The following MIDN variants were observed in gnomAD, a reference collection of about 807,000 sequenced individuals.
MIDN encodes the protein midnolin.
MIDN carries 26 observed loss-of-function variants against 46.1 expected under a neutral mutation model. The observed-to-expected ratio is 0.56, with a 90% CI of 0.41 to 0.78. The LOEUF (loss-of-function observed/expected upper bound fraction) is 0.78. Ranked by LOEUF, MIDN falls within the 30% of genes least tolerant of loss-of-function variation. The pLI is 0.00. For synonymous variants in MIDN, 432 were observed against 343.3 expected (o/e 1.26, Z -2.86); for missense variants, 850 against 771.8 (o/e 1.10, Z -1.20).
chr19:1,251,449 G>T (rs1249607913), intron 2 of MIDN, 113 bp from the exon 3 acceptor site: 2 of 899,096 alleles, frequency 2.2e-6, no homozygotes, highest in Non-Finnish European at 1.7e-6. Context: ...AAGGGGTGGG[G>T]GTGGGAACTT....
chr19:1,252,717 C>G (rs558881355), intron 4 of MIDN, among the ~76,000 whole-genome samples: 1 of 152,174 alleles, frequency 6.6e-6, no homozygotes, highest in African/African-American at 2.4e-5. Context: ...GCCGGCTTCC[C>G]GGGCCTCCCT....
intron 4 of MIDN, among the ~76,000 whole-genome samples, chr19:1,252,165 C>T (rs1305884952): frequency 2.0e-5 from 3 of 152,206 alleles, no homozygotes; most frequent in African/African-American, 7.2e-5. Flanking sequence ...GCAGGATGAC[C>T]TTGGCCTATG....
chr19:1,250,581 G>C (rs1290199540), intron 2 of MIDN, 52 bp downstream of exon 2: 32 of 1,032,036 alleles, frequency 3.1e-5, no homozygotes, highest in Non-Finnish European at 3.7e-5. Flanking sequence ...CGGCCCCCGG[G>C]CGGGAACAAA....
rs769170892 is a variant in MIDN, at chr19:1,251,700, T to C, written c.321+51T>C. ...CCCAGAGGCCCCCGCACACAGGCAG[T>C]AGCCCCTCCCTCGGTACCTGTCCGC... On this transcript the variant is annotated intron_variant, in intron 3 of 8. Coordinates refer to ENST00000682408, the MANE Select transcript of MIDN (RefSeq NM_001388306.1). The C allele has an allele frequency of 3.2e-4, 500 of 1,559,818 alleles. 1 individual carries two copies. The highest frequency in any genetic ancestry group is 4.2e-4 in the Non-Finnish European group (475 of 1,143,334).
At chr19:1,251,684 C>T in intron 3 of MIDN, 35 bp downstream of exon 3, 1 of 1,586,118 alleles carries the variant, frequency 6.3e-7, no homozygotes, top group Non-Finnish European at 8.6e-7. Context: ...CCCCAGAGGC[C>T]CCCGCACACA....
Position 1,255,012 on chromosome 19 carries a change from C to T in MIDN, c.936C>T (p.Ile312=), listed in dbSNP as rs762023310. The part of the protein sequence containing the change: ...APRSRKPGAV[I]ESFVNHAPGV... The stretch of plus-strand genomic sequence containing the variant: ...GCTCCCGAAAACCCGGCGCCGTCAT[C>T]GAGAGCTTTGTGAATCACGCCCCGG... Residue 312 remains isoleucine, a synonymous_variant, in exon 7 of 9, where the codon ATC becomes ATT. Coordinates refer to ENST00000682408, the MANE Select transcript of MIDN (RefSeq NM_001388306.1). 13 of 1,613,252 alleles carry T rather than the reference C, an allele frequency of 8.1e-6. No individual in the cohort carries two copies. The highest frequency in any genetic ancestry group is 1.7e-5 in the Admixed American group (1 of 59,988).
chr19:1,255,353 C>T (rs965670493), intron 7 of MIDN, 69 bp from the exon 8 acceptor site: 20 of 1,489,260 alleles, frequency 1.3e-5, no homozygotes, highest in African/African-American at 8.3e-5. Flanking sequence ...AGCTCACACC[C>T]GTGGACGCCC....
rs748227796 is a variant in MIDN, at chr19:1,258,643, C to G, written c.*1371C>G. 7 of 148,460 alleles carry G rather than the reference C, an allele frequency of 4.7e-5. No individual in the cohort carries two copies. Among genetic ancestry groups the G allele is most frequent in the African/African-American group, 1.5e-4 (6 of 40,628 alleles). The allele number at this position is 148,460 out of a possible 1,614,324, so 9.2% of individuals were successfully genotyped here. ...TGAACCCCAGGTCCTCAACTCCCCC[C>G]CTTTATGTGTTGAAAGTTAATGGTT... On this transcript the variant is annotated 3_prime_UTR_variant, in exon 9 of 9. Coordinates refer to ENST00000682408, the MANE Select transcript of MIDN (RefSeq NM_001388306.1).
chr19:1,252,239 C>A (rs1392392049), intron 4 of MIDN, among the ~76,000 whole-genome samples: 2 of 152,222 alleles, frequency 1.3e-5, no homozygotes, highest in Non-Finnish European at 1.5e-5. Flanking sequence ...ACCGAGGAGC[C>A]CCCCTCCAGC....
chr19:1,252,409 C>T (rs2081142034), intron 4 of MIDN, among the ~76,000 whole-genome samples: 1 of 129,910 alleles, frequency 7.7e-6, no homozygotes, highest in Middle Eastern at 4.2e-3. Context: ...TTGTTCTCTA[C>T]CCCGAAAGGG....
At chr19:1,254,879 C>T (rs375227243) in intron 6 of MIDN, 23 bp from the exon 7 acceptor site, 446 of 1,589,508 alleles carry the variant, frequency 2.8e-4, no homozygotes, top group Non-Finnish European at 3.6e-4. Flanking sequence ...ACCCCGTGCT[C>T]ATGTGCCCCT....
intron 7 of MIDN, 106 bp downstream of exon 7, chr19:1,255,167 G>A: frequency 7.4e-7 from 1 of 1,352,880 alleles, no homozygotes; most frequent in Non-Finnish European, 1.0e-6. Flanking sequence ...GCATACACAG[G>A]CTGTGTCCGT....
In MIDN at chr19:1,257,349, G is replaced by A. The variant is rs373601491; in HGVS notation, c.*77G>A. The A allele has an allele frequency of 3.8e-6, 5 of 1,310,816 alleles. No homozygotes were observed. The highest frequency in any genetic ancestry group is 1.5e-5 in the African/African-American group (1 of 67,736). 81.2% of individuals were successfully genotyped at this position (1,310,816 alleles called of 1,614,324 possible). ...GGACTCCGAGAGCCCCGGAGAGAAC[G>A]TGGCCCAGCCCTGGAGGGCAGGCGG... is the stretch of plus-strand genomic sequence containing the variant. On this transcript the variant is annotated 3_prime_UTR_variant, in exon 9 of 9. Coordinates refer to ENST00000682408, the MANE Select transcript of MIDN (RefSeq NM_001388306.1).
chr19:1,254,600 C>A, intron 6 of MIDN, 122 bp downstream of exon 6: 1 of 1,075,796 alleles, frequency 9.3e-7, no homozygotes, highest in Non-Finnish European at 1.3e-6. Flanking sequence ...TAAGGGCTAT[C>A]CTGTGACCTC....
At chr19:1,254,793 G>A (rs2081177553) in intron 6 of MIDN, 109 bp from the exon 7 acceptor site, 2 of 1,299,600 alleles carry the variant, frequency 1.5e-6, no homozygotes, top group Admixed American at 4.3e-5. Context: ...TAAACCCTGT[G>A]TTGACAGGTC....
At chr19:1,251,485 G>C in intron 2 of MIDN, 77 bp from the exon 3 acceptor site, 1 of 1,330,876 alleles carries the variant, frequency 7.5e-7, no homozygotes, top group Non-Finnish European at 1.0e-6. Context: ...CACAAGCACA[G>C]CCCTCCCCCG....
intron 4 of MIDN, among the ~76,000 whole-genome samples, chr19:1,253,210 C>G (rs1914667558): frequency 6.6e-6 from 1 of 151,500 alleles, no homozygotes; most frequent in African/African-American, 2.4e-5. Context: ...CCTGCAAAGG[C>G]TGTCTTGGGG....
Position 1,248,621 on chromosome 19 carries a change from G to A in MIDN, c.-447G>A, listed in dbSNP as rs1450026913. 2 of 152,324 alleles carry A rather than the reference G, an allele frequency of 1.3e-5. No individual in the cohort carries two copies. Among genetic ancestry groups the A allele is most frequent in the African/African-American group, 2.4e-5 (1 of 41,458 alleles). The allele number at this position is 152,324 out of a possible 1,614,324, so 9.4% of individuals were successfully genotyped here. On this transcript the variant is annotated 5_prime_UTR_variant, in exon 1 of 9. Coordinates refer to ENST00000682408, the MANE Select transcript of MIDN (RefSeq NM_001388306.1). ...CAGCGCGCATTCGGCCCCGGACGAAGGTACTCGCAGCACTTGGAGCGCAGA... is the reference window on the plus strand; with the variant it reads ...CAGCGCGCATTCGGCCCCGGACGAAAGTACTCGCAGCACTTGGAGCGCAGA...
chr19:1,258,473 G>C lies in MIDN; in HGVS notation c.*1201G>C, dbSNP rs2081228812. The C allele has an allele frequency of 1.3e-5, 2 of 152,640 alleles. No individual in the cohort carries two copies. Among genetic ancestry groups the C allele is most frequent in the African/African-American group, 2.4e-5 (1 of 41,560 alleles). The allele number at this position is 152,640 out of a possible 1,614,324, so 9.5% of individuals were successfully genotyped here. On this transcript the variant is annotated 3_prime_UTR_variant, in exon 9 of 9. Transcript: ENST00000682408. ...GAGGGGAGGGACAAATCCCCTACTGGGGCCATTTCAATGGGGTAGTTTTTG... is the reference window on the plus strand; with the variant it reads ...GAGGGGAGGGACAAATCCCCTACTGCGGCCATTTCAATGGGGTAGTTTTTG...
Sources: allele counts gnomAD v4.1 joint callset (sites outside exome capture counted in the v4.1 genomes callset), GRCh38; gene constraint gnomAD v4.1.1; transcripts MANE v1.5; gene names NCBI Gene and HGNC (gene_info 2026-07-23, HGNC 2026-07-21).